POLR1A: variants seen among roughly 807,000 people sequenced by gnomAD.
POLR1A encodes the protein DNA-directed RNA polymerase I subunit RPA1.
POLR1A carries 84 observed loss-of-function variants against 205.3 expected under a neutral mutation model. That is an observed-to-expected ratio of 0.41 (90% CI 0.34 to 0.49). The LOEUF (loss-of-function observed/expected upper bound fraction) is 0.49. Among genes scored for constraint, POLR1A ranks in the 20% least tolerant of loss-of-function variants. The probability of loss-of-function intolerance (pLI) is 0.22; values close to 1 mark genes in which losing one functional copy is unlikely to be tolerated. For synonymous variants in POLR1A, 799 were observed against 863.7 expected, an observed-to-expected ratio of 0.93 and a Z score of 1.31; for missense variants, 1,645 against 2,204.5, an observed-to-expected ratio of 0.75 and a Z score of 5.08.
At chr2:86,088,963 C>T (rs1020986728) in intron 4 of POLR1A, 93 bp from the exon 5 acceptor site, 9 of 856,562 alleles carry the variant, frequency 1.1e-5, no homozygotes, top group Non-Finnish European at 1.5e-5. Context: ...TTATTTTTAA[C>T]CAGCGGAAAC....
intron 19 of POLR1A, 150 bp downstream of exon 19, chr2:86,047,015 T>C: frequency 1.7e-6 from 1 of 577,338 alleles, no homozygotes. Flanking sequence ...CATTGGCATG[T>C]TAACAGTGGT....
At chr2:86,100,458 T>C (rs1459760422) in intron 1 of POLR1A, among the ~76,000 whole-genome samples, 2 of 152,054 alleles carry the variant, frequency 1.3e-5, no homozygotes, top group Non-Finnish European at 2.9e-5. Context: ...TTGCACTAAG[T>C]ACACTGGTAA....
chr2:86,078,139 A>G lies in POLR1A; in HGVS notation c.1232T>C (p.Met411Thr), dbSNP rs945180923. The change falls in exon 10 of 34, where the codon ATG (methionine) becomes ACG (threonine). Residue 411 changes from methionine to threonine, a missense_variant. Physicochemically the swap from Met to Thr is moderately conservative, Grantham distance 81. Transcript: ENST00000263857. The stretch of plus-strand genomic sequence containing the variant: ...CTGCCTAATGCCTGGGTACTTGTCC[A>G]TCATTAGTTTGTCCATCTCGCTATC... ...VFDSEMDKLM[M>T]DKYPGIRQIL... 3 of 1,613,112 alleles carry G rather than the reference A, an allele frequency of 1.9e-6. No individual in the cohort carries two copies. The highest frequency in any genetic ancestry group is 2.7e-5 in the African/African-American group (2 of 74,834).
chr2:86,023,888 T>C lies in POLR1A; in HGVS notation c.*3535A>G, dbSNP rs1175488003. 2.0e-5 allele frequency: 3 copies of C among 152,168 alleles called. No individual in the cohort carries two copies. The highest frequency in any genetic ancestry group is 4.4e-5 in the Non-Finnish European group (3 of 68,070). 9.4% of individuals were successfully genotyped at this position (152,168 alleles called of 1,614,324 possible). On this transcript the variant is annotated 3_prime_UTR_variant, in exon 34 of 34. Coordinates refer to ENST00000263857, the MANE Select transcript of POLR1A (RefSeq NM_015425.6). ...CCTCAGCCTCCCGAGTAGCTGGGATTATAGGCGCGCACCACCACACCCAGC... is the reference window on the plus strand; with the variant it reads ...CCTCAGCCTCCCGAGTAGCTGGGATCATAGGCGCGCACCACCACACCCAGC...
intron 28 of POLR1A, among the ~76,000 whole-genome samples, chr2:86,033,341 C>T (rs1230170920): frequency 1.3e-5 from 2 of 152,248 alleles, no homozygotes; most frequent in Non-Finnish European, 2.9e-5. Flanking sequence ...CTTTCAAAGG[C>T]TCAGCGCACG....
intron 12 of POLR1A, among the ~76,000 whole-genome samples, chr2:86,071,227 C>CGTGTGCGCGCGTGTGTGT: frequency 6.8e-6 from 1 of 147,356 alleles, no homozygotes; most frequent in South Asian, 2.1e-4. Flanking sequence ...TCTCCGTGTG[C>CGTGTGCGCGCGTGTGTGT]ATGTGTGTGT....
At chr2:86,054,994 T>C (rs920311024) in intron 14 of POLR1A, among the ~76,000 whole-genome samples, 2 of 152,086 alleles carry the variant, frequency 1.3e-5, no homozygotes, top group African/African-American at 2.4e-5. Flanking sequence ...CCCCACAAAG[T>C]AGTGTCTTTA....
chr2:86,028,102 G>C lies in POLR1A; in HGVS notation c.4898-53C>G. The C allele has an allele frequency of 1.9e-6, 3 of 1,578,098 alleles. No individual in the cohort carries two copies. The South Asian group carries it at 3.3e-5, about 18-fold the overall frequency. On this transcript the variant is annotated intron_variant, in intron 32 of 33. Transcript: ENST00000263857. This position sits in a 1 kb window ranked among gnomAD's most constrained non-coding sequence, Gnocchi z 4.5. ...GGATTAAGCAGTGACCACGGGAGCA[G>C]TCAGCAGACACAAGCCAAGCTGCCT...
chr2:86,099,792 C>T (rs878919148), intron 2 of POLR1A, among the ~76,000 whole-genome samples, 176 bp downstream of exon 2: 1 of 152,130 alleles, frequency 6.6e-6, no homozygotes, highest in South Asian at 2.1e-4. Flanking sequence ...TATTTAGGGC[C>T]ACAGGGTAAG....
At position 86,032,258 on chromosome 2, in the gene POLR1A, A is replaced by T. The variant is rs545170298; in HGVS notation, c.4272+14T>A. On this transcript the variant is annotated intron_variant, in intron 29 of 33. Transcript: ENST00000263857. ...TGGGACCACAGCTCCTTCACCCCAC[A>T]CAGGGTCTCTCACCTCCTCCTCCTG... The T allele has an allele frequency of 7.6e-5, 118 of 1,555,976 alleles. 1 individual carries two copies. The Admixed American group carries it at 1.4e-3, about 18-fold the overall frequency.
intron 3 of POLR1A, among the ~76,000 whole-genome samples, chr2:86,094,838 C>T (rs908289824): frequency 3.9e-5 from 6 of 152,226 alleles, no homozygotes; most frequent in African/African-American, 1.4e-4. Context: ...CTGCCACTGT[C>T]ATCCCCTCCT....
At chr2:86,065,872 C>A (rs1673076111) in intron 13 of POLR1A, among the ~76,000 whole-genome samples, 1 of 152,218 alleles carries the variant, frequency 6.6e-6, no homozygotes, top group Non-Finnish European at 1.5e-5. Context: ...ACGTTTCTGG[C>A]CTGGCTCTTC....
At position 86,027,157 on chromosome 2, in the gene POLR1A, CTCA is replaced by C. The variant is rs2104375411; in HGVS notation, c.*263_*265del. 1.9e-6 allele frequency: 1 copy of C among 533,258 alleles called. No homozygotes were observed. Among genetic ancestry groups the C allele is most frequent in the African/African-American group, 1.9e-5 (1 of 52,766 alleles). 33.0% of individuals were successfully genotyped at this position (533,258 alleles called of 1,614,324 possible). A position where few individuals can be genotyped will look rare whatever the true frequency, so the allele number is the denominator to read the frequency against. On this transcript the variant is annotated 3_prime_UTR_variant, in exon 34 of 34. Transcript: ENST00000263857. ...GCAGCACAGGTGAGGCCCCAGCCAT[CTCA>C]GGGGGACTCAGAAGACTTGGTAAAC... is the stretch of plus-strand genomic sequence containing the variant.
chr2:86,037,312 G>A (rs879702486), intron 27 of POLR1A, among the ~76,000 whole-genome samples: 5 of 152,226 alleles, frequency 3.3e-5, no homozygotes, highest in Admixed American at 2.6e-4. Flanking sequence ...CCCAGGGCTC[G>A]TGAACTGGGG....
chr2:86,052,790 C>A, intron 16 of POLR1A, 27 bp downstream of exon 16: 1 of 1,480,908 alleles, frequency 6.8e-7, no homozygotes, highest in South Asian at 1.4e-5. Context: ...CGGGTCACTG[C>A]CCCAGGGCAG....
chr2:86,031,181 A>C, intron 30 of POLR1A, 149 bp downstream of exon 30: 2 of 1,177,296 alleles, frequency 1.7e-6, no homozygotes, highest in Non-Finnish European at 1.1e-6. Context: ...CCCAAACAGG[A>C]GGCCTGGCTG....
At position 86,038,805 on chromosome 2, in the gene POLR1A, TTC is replaced by T; in HGVS notation, c.3927_3928del (p.Asn1310GlnfsTer38). ...CCGCAGCTGGTACACCTGGAATTTG[TTC>T]TGTTTTTCTTCCATACAGAAGGACT... On this transcript the variant is annotated frameshift_variant, in exon 27 of 34. Coordinates refer to ENST00000263857, the MANE Select transcript of POLR1A (RefSeq NM_015425.6). LOFTEE classifies it high-confidence loss of function. The T allele has an allele frequency of 6.2e-7, 1 of 1,614,046 alleles. No individual in the cohort carries two copies. Among genetic ancestry groups the T allele is most frequent in the Non-Finnish European group, 8.5e-7 (1 of 1,179,928 alleles).
At chr2:86,041,204 C>T (rs1448408163) in intron 24 of POLR1A, among the ~76,000 whole-genome samples, 1 of 89,468 alleles carries the variant, frequency 1.1e-5, no homozygotes, top group African/African-American at 4.3e-5. Context: ...CGCTGAGCTA[C>T]AGTGTCTGTG....
rs1690216242 is a variant in POLR1A at position 86,024,284 on chromosome 2, A to C, written c.*3139T>G. ...ACAAAAAGACATGCTGTACTTTTCC[A>C]CTTGTATGAGGGACCTAGAGAAGTC... On this transcript the variant is annotated 3_prime_UTR_variant, in exon 34 of 34. Coordinates refer to ENST00000263857, the MANE Select transcript of POLR1A (RefSeq NM_015425.6). 4.9e-6 allele frequency: 1 copy of C among 202,366 alleles called. No individual in the cohort carries two copies. The highest frequency in any genetic ancestry group is 1.1e-5 in the Non-Finnish European group (1 of 94,994). 12.5% of individuals were successfully genotyped at this position (202,366 alleles called of 1,614,324 possible). A position where few individuals can be genotyped will look rare whatever the true frequency, so the allele number is the denominator to read the frequency against.
Sources: allele counts gnomAD v4.1 joint callset (sites outside exome capture counted in the v4.1 genomes callset), GRCh38; gene constraint gnomAD v4.1.1; non-coding constraint Gnocchi (gnomAD v3.1); transcripts MANE v1.5; gene names NCBI Gene and HGNC (gene_info 2026-07-23, HGNC 2026-07-21).